MSI2: variants seen among roughly 807,000 people sequenced by gnomAD.
MSI2 encodes the protein musashi RNA binding protein 2.
In MSI2, 17 loss-of-function variants were observed where a neutral mutation model predicts 45.6. That is an observed-to-expected ratio of 0.37 (90% CI 0.26 to 0.56). MSI2 has a LOEUF of 0.56. MSI2 is among the 20% of genes least tolerant of loss of function. The probability of loss-of-function intolerance (pLI) is 0.77; values close to 1 mark genes in which losing one functional copy is unlikely to be tolerated. For synonymous variants in MSI2, 156 were observed against 158.2 expected, an observed-to-expected ratio of 0.99 and a Z score of 0.11; for missense variants, 293 against 444.2, an observed-to-expected ratio of 0.66 and a Z score of 3.06.
At chr17:57,372,981 G>A (rs2083442740) in intron 5 of MSI2, among the ~76,000 whole-genome samples, 1 of 152,140 alleles carries the variant, frequency 6.6e-6, no homozygotes. Context: ...GGGCACAGGG[G>A]CTCACGACTG....
intron 6 of MSI2, among the ~76,000 whole-genome samples, chr17:57,526,997 C>T (rs563573161): frequency 6.6e-6 from 1 of 152,162 alleles, no homozygotes; most frequent in Non-Finnish European, 1.5e-5. Context: ...AGAAAACGTC[C>T]AAACTTAGGA....
chr17:57,257,442 A>T, intron 2 of MSI2, 24 bp from the exon 3 acceptor site: 1 of 1,045,274 alleles, frequency 9.6e-7, no homozygotes. Context: ...TCCCCCCCCC[A>T]TCTCTCTCTT....
intron 7 of MSI2, among the ~76,000 whole-genome samples, chr17:57,553,557 G>A (rs557569042): frequency 6.6e-6 from 1 of 152,348 alleles, no homozygotes; most frequent in African/African-American, 2.4e-5. Context: ...AGGCTAAGGA[G>A]ATGGGGGAGC....
chr17:57,547,501 T>C (rs2087196719), intron 7 of MSI2, among the ~76,000 whole-genome samples: 1 of 152,014 alleles, frequency 6.6e-6, no homozygotes, highest in African/African-American at 2.4e-5. Context: ...AATTTATATT[T>C]GGAGACAAGT....
chr17:57,267,423 C>T (rs1907902308), intron 5 of MSI2: 1 of 152,088 alleles, frequency 6.6e-6, no homozygotes, highest in South Asian at 2.1e-4. Flanking sequence ...TCTCCTAGGA[C>T]TATGAAGCTC....
At chr17:57,364,569 T>C (rs1262096254) in intron 5 of MSI2, among the ~76,000 whole-genome samples, 1 of 152,222 alleles carries the variant, frequency 6.6e-6, no homozygotes, top group African/African-American at 2.4e-5. Context: ...GTTCTGCTTC[T>C]CTAATGGGCT....
intron 6 of MSI2, among the ~76,000 whole-genome samples, chr17:57,466,420 C>T (rs1208516550): frequency 1.3e-5 from 2 of 152,148 alleles, no homozygotes; most frequent in African/African-American, 4.8e-5. Context: ...GGCGGCAGTC[C>T]ATTGTTGCCC....
intron 6 of MSI2, among the ~76,000 whole-genome samples, chr17:57,420,881 G>A (rs1169094889): frequency 6.6e-6 from 1 of 152,234 alleles, no homozygotes; most frequent in Non-Finnish European, 1.5e-5. Context: ...AAGGCGGCCT[G>A]CAGTTCAGGC....
At chr17:57,413,152 T>A (rs1219566973) in intron 6 of MSI2, among the ~76,000 whole-genome samples, 1 of 150,828 alleles carries the variant, frequency 6.6e-6, no homozygotes, top group Non-Finnish European at 1.5e-5. Context: ...CAACAGCCTT[T>A]ATATACACAC....
intron 8 of MSI2, among the ~76,000 whole-genome samples, chr17:57,597,319 A>AT (rs1303969140): frequency 8.6e-5 from 13 of 151,996 alleles, no homozygotes; most frequent in African/African-American, 2.9e-4. Context: ...CAAAATATTA[A>AT]TTTTTTAACC....
chr17:57,285,745 T>G (rs1210131618), intron 5 of MSI2: 1 of 956,178 alleles, frequency 1.0e-6, no homozygotes, highest in Non-Finnish European at 1.4e-6. Flanking sequence ...AGAATTTCTG[T>G]GTACATGGAA....
chr17:57,330,968 C>G (rs987589963), intron 5 of MSI2, among the ~76,000 whole-genome samples: 2 of 149,974 alleles, frequency 1.3e-5, no homozygotes, highest in East Asian at 1.9e-4. Flanking sequence ...AGTGCAGTGG[C>G]GCCATCTTGG....
intron 8 of MSI2, among the ~76,000 whole-genome samples, chr17:57,605,480 C>G (rs1451384175): frequency 1.3e-5 from 2 of 152,176 alleles, no homozygotes; most frequent in African/African-American, 2.4e-5. Context: ...TGCCTCTGGG[C>G]TTTTCTGAAC....
At chr17:57,260,313 G>C (rs1224795027) in intron 4 of MSI2, among the ~76,000 whole-genome samples, 1 of 152,154 alleles carries the variant, frequency 6.6e-6, no homozygotes, top group Non-Finnish European at 1.5e-5. Flanking sequence ...ATAATGCTCT[G>C]ATACGGCCAC....
intron 6 of MSI2, among the ~76,000 whole-genome samples, chr17:57,452,462 A>G (rs2085035912): frequency 6.6e-6 from 1 of 152,226 alleles, no homozygotes; most frequent in African/African-American, 2.4e-5. Context: ...GGTGTGCCCC[A>G]TGCCAGGCCA....
At chr17:57,433,636 G>A (rs189431691) in intron 6 of MSI2, among the ~76,000 whole-genome samples, 11 of 152,308 alleles carry the variant, frequency 7.2e-5, no homozygotes, top group Admixed American at 5.9e-4. Flanking sequence ...TTGAAGCCAC[G>A]AATTCTGAGT....
At position 57,652,194 on chromosome 17, in the gene MSI2, G is replaced by T; in HGVS notation, c.790+33G>T. On this transcript the variant is annotated intron_variant, in intron 11 of 13. Transcript: ENST00000284073. This position sits in a 1 kb window ranked among gnomAD's most constrained non-coding sequence, Gnocchi z 4.1. ...GGTGTATGGGACAGGCGACTCCCAG[G>T]CATGCCCCCAGTGTGCAGGGGGAGG... is the stretch of plus-strand genomic sequence containing the variant. The T allele has an allele frequency of 6.2e-7, 1 of 1,606,010 alleles. No homozygotes were observed. The highest frequency in any genetic ancestry group is 8.5e-7 in the Non-Finnish European group (1 of 1,173,006).
intron 9 of MSI2, 55 bp downstream of exon 9, chr17:57,616,139 C>G (rs1385931443): frequency 7.2e-7 from 1 of 1,391,622 alleles, no homozygotes; most frequent in Admixed American, 1.9e-5. Context: ...ATGGAGGCCT[C>G]TACTCCCAAC....
intron 5 of MSI2, among the ~76,000 whole-genome samples, chr17:57,295,501 T>A (rs1910843400): frequency 6.6e-6 from 1 of 152,168 alleles, no homozygotes; most frequent in South Asian, 2.1e-4. Flanking sequence ...TATTATTATT[T>A]TTTATACAGG....
Sources: allele counts gnomAD v4.1 joint callset (sites outside exome capture counted in the v4.1 genomes callset), GRCh38; gene constraint gnomAD v4.1.1; non-coding constraint Gnocchi (gnomAD v3.1); transcripts MANE v1.5; gene names NCBI Gene and HGNC (gene_info 2026-07-23, HGNC 2026-07-21).